The following RBP7 variants were observed in gnomAD, a reference collection of about 807,000 sequenced individuals.
The protein encoded by RBP7 is retinol binding protein 7.
RBP7 carries 13 observed loss-of-function variants against 16.7 expected under a neutral mutation model. The ratio of observed to expected loss-of-function variants is 0.78; its 90% CI spans 0.51 to 1.24. RBP7 has a LOEUF of 1.24. RBP7 is among the 50% of genes most tolerant of loss of function. The pLI is 0.00. For missense variants in RBP7, 145 were observed against 159.5 expected, an observed-to-expected ratio of 0.91 and a Z score of 0.49; for synonymous variants, 54 against 56.2, an observed-to-expected ratio of 0.96 and a Z score of 0.17.
chr1:10,007,743 T>C lies in RBP7; in HGVS notation c.247T>C (p.Cys83Arg), dbSNP rs756351453. ...EDNRGLDNRK[C>R]KSLVIWDNDR... is the part of the protein sequence containing the mutation. Reference sequence around the variant, plus strand: ...TAACAGAGGCCTGGACAACAGAAAATGCAAGGTAAAATGTAAAGAAATGCC... The same window carrying C: ...TAACAGAGGCCTGGACAACAGAAAACGCAAGGTAAAATGTAAAGAAATGCC... Residue 83 changes from cysteine (C) to arginine (R), a missense_variant, in exon 2 of 4, where the codon TGC becomes CGC. Cys to Arg is a radical substitution (Grantham distance 180). Transcript: ENST00000294435. 4 of 1,610,920 alleles carry C rather than the reference T, an allele frequency of 2.5e-6. No individual in the cohort carries two copies. Among genetic ancestry groups the C allele is most frequent in the South Asian group, 1.1e-5 (1 of 90,410 alleles).
intron 1 of RBP7, among the ~76,000 whole-genome samples, chr1:9,998,413 T>C (rs920214523): frequency 0.016 from 2,323 of 144,092 alleles, 26 homozygotes; most frequent in Non-Finnish European, 0.026. Context: ...CTTTCTTTTT[T>C]TTTTTTTTTT....
At chr1:10,012,952 A>AAAAT (rs1553130586) in intron 3 of RBP7, among the ~76,000 whole-genome samples, 2 of 151,682 alleles carry the variant, frequency 1.3e-5, no homozygotes, top group African/African-American at 4.8e-5. Flanking sequence ...AAAAAAAAAA[A>AAAAT]AAAAAAAGAG....
chr1:10,015,721 A>G, intron 3 of RBP7, 61 bp from the exon 4 acceptor site: 2 of 1,376,652 alleles, frequency 1.5e-6, no homozygotes, highest in Non-Finnish European at 2.1e-6. Flanking sequence ...ATAAGTGTTG[A>G]GAGTAAAAAC....
Position 10,000,425 on chromosome 1 carries a change from T to A in RBP7, c.73+3094T>A, listed in dbSNP as rs555559827. Among the ~76,000 whole-genome samples the A allele has an allele frequency of 4.6e-5, 7 of 151,870 alleles. 1 individual carries two copies. The South Asian group carries it at 1.5e-3, about 32-fold the overall frequency. ...GGCTCATGCCTGTAGTCCCAGCTAA[T>A]TGGGAGGCTGAGGCACGAGAATCGC... On this transcript the variant is annotated intron_variant, in intron 1 of 3. Transcript: ENST00000294435.
chr1:9,999,814 CTTTTTTTTTTT>C (rs70998341), intron 1 of RBP7, among the ~76,000 whole-genome samples: 32 of 105,882 alleles, frequency 3.0e-4, no homozygotes, highest in African/African-American at 8.6e-4. Flanking sequence ...CTGTAATACT[CTTTTTTTTTTT>C]TTTTTTTTTT....
At chr1:10,009,525 T>A (rs571852665) in intron 3 of RBP7, among the ~76,000 whole-genome samples, 74 of 151,550 alleles carry the variant, frequency 4.9e-4, no homozygotes, top group East Asian at 1.7e-3. Flanking sequence ...TGTCTTATTT[T>A]TTTTTTTTTT....
chr1:9,997,437 C>A lies in RBP7; in HGVS notation c.73+106C>A. 1 of 1,022,222 alleles carries A rather than the reference C, an allele frequency of 9.8e-7. No homozygotes were observed. Among genetic ancestry groups the A allele is most frequent in the Non-Finnish European group, 1.5e-6 (1 of 689,566 alleles). The allele number at this position is 1,022,222 out of a possible 1,614,324, so 63.3% of individuals were successfully genotyped here. A position where few individuals can be genotyped will look rare whatever the true frequency, so the allele number is the denominator to read the frequency against. ...TAGGTACGTCCTCTGTCCGTGCCTCCGCCCTGCTGCGCCCACCGTCGCCCA... is the reference window on the plus strand; with the variant it reads ...TAGGTACGTCCTCTGTCCGTGCCTCAGCCCTGCTGCGCCCACCGTCGCCCA... On this transcript the variant is annotated intron_variant, in intron 1 of 3. Coordinates refer to ENST00000294435, the MANE Select transcript of RBP7 (RefSeq NM_052960.3). The surrounding 1 kb of genome is among the most constrained non-coding windows in gnomAD (Gnocchi z 5.9).
At position 10,008,171 on chromosome 1, in the gene RBP7, A is replaced by G. The variant is rs1570733234; in HGVS notation, c.253-2A>G. ...CTAACATTTTCTCCTCTCTTCATGC[A>G]GAGTTTGGTTATCTGGGACAATGAC... On this transcript the variant is annotated splice_acceptor_variant, in intron 2 of 3. Coordinates refer to ENST00000294435, the MANE Select transcript of RBP7 (RefSeq NM_052960.3). LOFTEE classifies it high-confidence loss of function. 1.3e-6 allele frequency: 2 copies of G among 1,591,802 alleles called. No homozygotes were observed. Among genetic ancestry groups the G allele is most frequent in the Admixed American group, 3.3e-5 (2 of 59,934 alleles).
intron 3 of RBP7, among the ~76,000 whole-genome samples, chr1:10,013,223 C>A (rs1642677062): frequency 6.6e-6 from 1 of 151,962 alleles, no homozygotes; most frequent in South Asian, 2.1e-4. Flanking sequence ...CAGGCGCCCG[C>A]TACCATGCCC....
chr1:10,011,852 T>A (rs2101739178), intron 3 of RBP7, among the ~76,000 whole-genome samples: 1 of 151,770 alleles, frequency 6.6e-6, no homozygotes, highest in South Asian at 2.1e-4. Context: ...AGGTCAGGAG[T>A]TCGAGACCAG....
At chr1:9,998,687 C>T (rs1171062067) in intron 1 of RBP7, among the ~76,000 whole-genome samples, 2 of 152,126 alleles carry the variant, frequency 1.3e-5, no homozygotes, top group Admixed American at 6.6e-5. Context: ...GGATTACAGG[C>T]GTGAGGCACC....
At chr1:10,011,707 T>A (rs1302253517) in intron 3 of RBP7, among the ~76,000 whole-genome samples, 1 of 152,096 alleles carries the variant, frequency 6.6e-6, no homozygotes, top group Non-Finnish European at 1.5e-5. Flanking sequence ...TACCAAGGCC[T>A]TGAAGATATT....
At chr1:9,999,096 T>C (rs1219509814) in intron 1 of RBP7, among the ~76,000 whole-genome samples, 1 of 152,112 alleles carries the variant, frequency 6.6e-6, no homozygotes, top group African/African-American at 2.4e-5. Context: ...GAATGTCTCA[T>C]GAGATTTGAT....
chr1:9,997,267 C>T lies in RBP7; in HGVS notation c.9C>T (p.Ala3=), dbSNP rs763772835. 10 of 1,610,044 alleles carry T rather than the reference C, an allele frequency of 6.2e-6. No individual in the cohort carries two copies. The highest frequency in any genetic ancestry group is 2.2e-5 in the East Asian group (1 of 44,678). ...TCCCGCGATCCCCGACCATGCCCGC[C>T]GACCTCAGCGGTACTTGGACCCTGC... MP[A]DLSGTWTLLS... The change falls in exon 1 of 4, where the codon GCC becomes GCT. Residue 3 remains alanine, a synonymous_variant. Coordinates refer to ENST00000294435, the MANE Select transcript of RBP7 (RefSeq NM_052960.3). The surrounding 1 kb of genome is among the most constrained non-coding windows in gnomAD (Gnocchi z 5.9).
chr1:10,005,568 GTT>G (rs891785466), intron 1 of RBP7, among the ~76,000 whole-genome samples: 1 of 143,504 alleles, frequency 7.0e-6, no homozygotes, highest in Non-Finnish European at 1.5e-5. Flanking sequence ...TGTTGTTTGG[GTT>G]TTTTTTTTTT....
At position 10,015,698 on chromosome 1, in the gene RBP7, AAC is replaced by A. The variant is rs996252248; in HGVS notation, c.355-80_355-79del. The A allele has an allele frequency of 1.5e-5, 18 of 1,212,164 alleles. No individual in the cohort carries two copies. The Admixed American group carries it at 3.0e-4, about 20-fold the overall frequency. 75.1% of individuals were successfully genotyped at this position (1,212,164 alleles called of 1,614,324 possible). A position where few individuals can be genotyped will look rare whatever the true frequency, so the allele number is the denominator to read the frequency against. On this transcript the variant is annotated intron_variant, in intron 3 of 3. Transcript: ENST00000294435. ...AAAACATGTTCCAGAAAAGGGTTAA[AAC>A]ACAATAAAAAATAAGTGTTGAGAGT...
At chr1:10,010,022 A>G (rs1642571450) in intron 3 of RBP7, among the ~76,000 whole-genome samples, 1 of 152,306 alleles carries the variant, frequency 6.6e-6, no homozygotes, top group South Asian at 2.1e-4. Flanking sequence ...ATACAGGTGT[A>G]CAACCATTCC....
intron 1 of RBP7, among the ~76,000 whole-genome samples, chr1:10,001,541 A>G (rs979499905): frequency 2.6e-5 from 4 of 152,062 alleles, no homozygotes; most frequent in African/African-American, 4.8e-5. Flanking sequence ...TCCTGGCCAC[A>G]TGCAATCCTC....
At chr1:10,013,459 A>G (rs1180502206) in intron 3 of RBP7, among the ~76,000 whole-genome samples, 1 of 152,064 alleles carries the variant, frequency 6.6e-6, no homozygotes, top group Non-Finnish European at 1.5e-5. Context: ...CGGCAAGAGG[A>G]TCACTGGAGT....
Sources: gnomAD v4.1 joint callset for allele counts (sites outside exome capture counted in the v4.1 genomes callset) on GRCh38, gnomAD v4.1.1 for gene constraint, Gnocchi (gnomAD v3.1) non-coding constraint, MANE v1.5 for transcripts, NCBI Gene and HGNC (gene_info 2026-07-23, HGNC 2026-07-21) for gene names.